Variants in ENOX2 observed in about 807,000 individuals in gnomAD.
ENOX2 encodes the protein APK1 antigen.
In ENOX2, 36 loss-of-function variants were observed where a neutral mutation model predicts 45.0. That is an observed-to-expected ratio of 0.80 (90% CI 0.61 to 1.06). The LOEUF (loss-of-function observed/expected upper bound fraction) is 1.06. Among genes scored for constraint, ENOX2 ranks in the 50% least tolerant of loss-of-function variants. The probability of loss-of-function intolerance (pLI) is 0.00; values close to 1 mark genes in which losing one functional copy is unlikely to be tolerated. For synonymous variants in ENOX2, 174 were observed against 152.3 expected, an observed-to-expected ratio of 1.14 and a Z score of -1.05; for missense variants, 423 against 462.5, an observed-to-expected ratio of 0.91 and a Z score of 0.78.
chrX:130,808,890 A>T (rs1218476162), intron 2 of ENOX2, among the ~76,000 whole-genome samples: 1 of 112,425 alleles, frequency 8.9e-6, no homozygotes, highest in Non-Finnish European at 1.9e-5. Context: ...AGAGAGACTA[A>T]ACTACTAATT....
chrX:130,870,467 A>G (rs1420180603), intron 2 of ENOX2, among the ~76,000 whole-genome samples: 1 of 111,599 alleles, frequency 9.0e-6, no homozygotes, highest in African/African-American at 3.3e-5. Context: ...TCTGTTTGTT[A>G]TTTATCTTTG....
chrX:130,682,706 G>A lies in ENOX2; in HGVS notation c.254-2958C>T, dbSNP rs56101488. The stretch of plus-strand genomic sequence containing the variant: ...AGTAAAAGGGCATAAAAGCCACTAA[G>A]AGTAATGTCAAGAATGCTGAGGATT... On this transcript the variant is annotated intron_variant, in intron 5 of 14. Transcript: ENST00000394363. 2.3e-4 allele frequency among the ~76,000 whole-genome samples: 25 copies of A among 107,441 alleles called. No homozygotes were observed. In the East Asian group the frequency reaches 7.1e-3, roughly 31 times the overall value. 93.3% of individuals were successfully genotyped at this position (107,441 alleles called of 115,157 possible).
At chrX:130,686,845 AAG>A (rs1188965132) in intron 5 of ENOX2, among the ~76,000 whole-genome samples, 1 of 112,315 alleles carries the variant, frequency 8.9e-6, no homozygotes, top group Non-Finnish European at 1.9e-5. Context: ...AAGCTGTGTC[AAG>A]AGTTTTATGT....
At chrX:130,874,357 A>G (rs948139386) in intron 2 of ENOX2, among the ~76,000 whole-genome samples, 1 of 112,404 alleles carries the variant, frequency 8.9e-6, no homozygotes, top group East Asian at 2.8e-4. Flanking sequence ...CCTTGGTAGT[A>G]AAGAGTGGGA....
At chrX:130,777,939 T>A (rs952820960) in intron 3 of ENOX2, among the ~76,000 whole-genome samples, 50 of 112,425 alleles carry the variant, frequency 4.4e-4, no homozygotes, top group African/African-American at 1.3e-3. Context: ...CTACCCTTTT[T>A]CTTATTTTAA....
intron 3 of ENOX2, among the ~76,000 whole-genome samples, chrX:130,722,726 C>T (rs903698439): frequency 6.3e-5 from 7 of 111,854 alleles, no homozygotes; most frequent in African/African-American, 2.0e-4. Context: ...GACAATTTAG[C>T]GGGGATTATT....
chrX:130,842,542 T>C (rs2078032908), intron 2 of ENOX2, among the ~76,000 whole-genome samples: 1 of 111,840 alleles, frequency 8.9e-6, no homozygotes, highest in African/African-American at 3.2e-5. Flanking sequence ...CCTTAATCAA[T>C]GCATTCTGAA....
chrX:130,880,977 T>A (rs1342999725), intron 2 of ENOX2, among the ~76,000 whole-genome samples: 1 of 112,661 alleles, frequency 8.9e-6, no homozygotes, highest in Non-Finnish European at 1.9e-5. Context: ...CCAGTTTGAT[T>A]TCCTGTTGAT....
intron 13 of ENOX2, among the ~76,000 whole-genome samples, chrX:130,631,070 T>A (rs1422209616): frequency 9.0e-6 from 1 of 111,503 alleles, no homozygotes; most frequent in Non-Finnish European, 1.9e-5. Context: ...TTGAGAGGCC[T>A]ATAGTTGCTC....
chrX:130,853,380 C>T (rs1158573490), intron 2 of ENOX2, among the ~76,000 whole-genome samples: 4 of 99,445 alleles, frequency 4.0e-5, no homozygotes, highest in Non-Finnish European at 8.0e-5. Flanking sequence ...AGGAGAATGG[C>T]GTGAACCCGG....
intron 3 of ENOX2, among the ~76,000 whole-genome samples, chrX:130,751,964 T>C (rs997441696): frequency 3.6e-5 from 4 of 111,830 alleles, no homozygotes; most frequent in Non-Finnish European, 7.5e-5. Flanking sequence ...CTGGATACTA[T>C]ACCCTTACCA....
chrX:130,744,777 C>A (rs1319440602), intron 3 of ENOX2, among the ~76,000 whole-genome samples: 2 of 111,413 alleles, frequency 1.8e-5, no homozygotes, highest in African/African-American at 6.5e-5. Context: ...TAGGGGTTCC[C>A]AACCCCTAGG....
At chrX:130,730,051 A>G (rs1404679032) in intron 3 of ENOX2, among the ~76,000 whole-genome samples, 1 of 112,237 alleles carries the variant, frequency 8.9e-6, no homozygotes, top group Non-Finnish European at 1.9e-5. Flanking sequence ...CGGTCCAACT[A>G]TAGTCTCTGT....
At chrX:130,848,094 G>A (rs372868237) in intron 2 of ENOX2, among the ~76,000 whole-genome samples, 15 of 111,556 alleles carry the variant, frequency 1.3e-4, no homozygotes, top group African/African-American at 3.3e-4. Flanking sequence ...GTGCAGTGGC[G>A]CGATCTCGGC....
intron 2 of ENOX2, among the ~76,000 whole-genome samples, chrX:130,825,531 G>A (rs1339422569): frequency 1.8e-5 from 2 of 111,933 alleles, no homozygotes; most frequent in Non-Finnish European, 3.8e-5. Context: ...TAACTGTACG[G>A]TAGTTCTCCC....
At chrX:130,655,193 G>C (rs188125897) in intron 10 of ENOX2, among the ~76,000 whole-genome samples, 79 of 112,382 alleles carry the variant, frequency 7.0e-4, no homozygotes, top group African/African-American at 2.5e-3. Context: ...GTAATTAGTT[G>C]ACTATCCTGA....
At chrX:130,654,265 T>G (rs16999735) in intron 10 of ENOX2, among the ~76,000 whole-genome samples, 2,293 of 111,943 alleles carry the variant, frequency 0.02, 47 homozygotes, top group African/African-American at 0.07. Flanking sequence ...TTTAAAGTAC[T>G]GCATCACAAA....
chrX:130,820,678 G>T (rs1039975578), intron 2 of ENOX2, among the ~76,000 whole-genome samples: 1 of 112,682 alleles, frequency 8.9e-6, no homozygotes, highest in African/African-American at 3.2e-5. Context: ...TGAAAGTGGA[G>T]AACATTACGT....
At chrX:130,844,121 C>T (rs192001043) in intron 2 of ENOX2, among the ~76,000 whole-genome samples, 260 of 112,511 alleles carry the variant, frequency 2.3e-3, no homozygotes, top group Non-Finnish European at 3.9e-3. Flanking sequence ...GAGAGGTCAG[C>T]TGCCTTAGAC....
Sources: allele counts gnomAD v4.1 joint callset (sites outside exome capture counted in the v4.1 genomes callset), GRCh38; gene constraint gnomAD v4.1.1; transcripts MANE v1.5; gene names NCBI Gene and HGNC (gene_info 2026-07-23, HGNC 2026-07-21).